The following SHPK variants were observed in gnomAD, a reference collection of about 807,000 sequenced individuals.
SHPK encodes carbohydrate kinase-like protein.
Under a neutral mutation model 46.3 loss-of-function variants are expected in SHPK, and 51 were observed. The observed-to-expected ratio is 1.10, with a 90% CI of 0.88 to 1.39. The LOEUF (loss-of-function observed/expected upper bound fraction) is 1.39. Among genes scored for constraint, SHPK ranks in the 40% most tolerant of loss-of-function variants. SHPK has a pLI of 0.00. For synonymous variants in SHPK, 290 were observed against 273.9 expected (o/e 1.06, Z -0.58); for missense variants, 668 against 641.3 (o/e 1.04, Z -0.45).
chr17:3,635,153 C>A (rs2075503144), intron 1 of SHPK, among the ~76,000 whole-genome samples: 2 of 130,190 alleles, frequency 1.5e-5, no homozygotes, highest in Admixed American at 8.4e-5. Flanking sequence ...GCCTGGGCAA[C>A]AGAGCGAGAC....
chr17:3,632,420 T>A (rs1201971295), intron 1 of SHPK, among the ~76,000 whole-genome samples: 1 of 152,104 alleles, frequency 6.6e-6, no homozygotes, highest in East Asian at 1.9e-4. Context: ...ACAGTAAGAC[T>A]CCACATGGCC....
At chr17:3,624,686 T>C (rs1364447049) in intron 2 of SHPK, among the ~76,000 whole-genome samples, 2 of 152,078 alleles carry the variant, frequency 1.3e-5, no homozygotes, top group African/African-American at 4.8e-5. Context: ...CAGAGTCTCA[T>C]TGTGTCCCCC....
Position 3,623,498 on chromosome 17 carries a change from T to C in SHPK, c.495-7A>G. On this transcript the variant is annotated splice_polypyrimidine_tract_variant and splice_region_variant and intron_variant, in intron 3 of 6. Transcript: ENST00000225519. ...GGACTTCAGGAACTCTGGGCTGTTTTTCATACCAAAAACAACCAACACGGT... is the reference window on the plus strand; with the variant it reads ...GGACTTCAGGAACTCTGGGCTGTTTCTCATACCAAAAACAACCAACACGGT... The C allele has an allele frequency of 1.2e-6, 2 of 1,613,768 alleles. No individual in the cohort carries two copies. Among genetic ancestry groups the C allele is most frequent in the East Asian group, 2.2e-5 (1 of 44,888 alleles).
intron 1 of SHPK, among the ~76,000 whole-genome samples, chr17:3,635,210 G>A (rs932560697): frequency 8.0e-6 from 1 of 124,428 alleles, no homozygotes; most frequent in African/African-American, 2.7e-5. Context: ...AGGAAGGAAG[G>A]AAGGAAGGAA....
rs1360937995 is a variant in SHPK, at chr17:3,623,491, G to A, written c.495C>T (p.Arg165=). The change falls in exon 4 of 7, where the codon CGC becomes CGT. Residue 165 remains arginine (R), a splice_region_variant and synonymous_variant. Transcript: ENST00000225519. ...CGTCGTAGGACTTCAGGAACTCTGG[G>A]CTGTTTTTCATACCAAAAACAACCA... ...CATIFWLLKY[R]PEFLKSYDAA... is the part of the protein sequence containing the mutation. 6.2e-7 allele frequency: 1 copy of A among 1,613,946 alleles called. No homozygotes were observed.
chr17:3,627,751 A>G (rs2075446377), intron 2 of SHPK, among the ~76,000 whole-genome samples: 1 of 150,882 alleles, frequency 6.6e-6, no homozygotes, highest in African/African-American at 2.4e-5. Flanking sequence ...GCAGAAAGGA[A>G]GGCATGTGAC....
rs919178597 is a variant in SHPK, at chr17:3,608,455, G to C, written c.*2105C>G. 1.3e-5 allele frequency: 2 copies of C among 152,036 alleles called. No individual in the cohort carries two copies. The highest frequency in any genetic ancestry group is 2.9e-5 in the Non-Finnish European group (2 of 68,006). 9.4% of individuals were successfully genotyped at this position (152,036 alleles called of 1,614,324 possible). Reference sequence around the variant, plus strand: ...AACAGAAGCACTGTGATACCAGGACGGGCGATCTGACGACTAAGTGACTGA... The same window carrying C: ...AACAGAAGCACTGTGATACCAGGACCGGCGATCTGACGACTAAGTGACTGA... On this transcript the variant is annotated 3_prime_UTR_variant, in exon 7 of 7. Transcript: ENST00000225519.
chr17:3,615,314 G>A lies in SHPK; in HGVS notation c.1024+23C>T. ...GTAGAAAGGACAGGCAGAGAACACA[G>A]CGCTGTGTGGGCCACACCTTACCTA... On this transcript the variant is annotated intron_variant, in intron 6 of 6. Transcript: ENST00000225519. 4 of 1,611,232 alleles carry A rather than the reference G, an allele frequency of 2.5e-6. No individual in the cohort carries two copies. In the Admixed American group the frequency reaches 5.0e-5, roughly 20 times the overall value.
chr17:3,611,079 C>T (rs1222384943), intron 6 of SHPK, 107 bp from the exon 7 acceptor site: 10 of 1,044,504 alleles, frequency 9.6e-6, no homozygotes, highest in Non-Finnish European at 1.2e-5. Flanking sequence ...TGCTGCTTCT[C>T]CTCCCGCTGC....
chr17:3,622,610 T>G, intron 4 of SHPK: 1 of 984,672 alleles, frequency 1.0e-6, no homozygotes, highest in Non-Finnish European at 1.2e-6. Flanking sequence ...GAAGTGAACT[T>G]ACAGGGCACT....
chr17:3,611,639 G>A (rs1212334938), intron 6 of SHPK, among the ~76,000 whole-genome samples: 1 of 152,024 alleles, frequency 6.6e-6, no homozygotes, highest in Non-Finnish European at 1.5e-5. Context: ...GAAATCCCAG[G>A]ATCCAGGACC....
Position 3,609,322 on chromosome 17 carries a change from T to TGAGAGAGAGAGAGAGAGAGAGA in SHPK, c.*1216_*1237dup, listed in dbSNP as rs3840876. On this transcript the variant is annotated 3_prime_UTR_variant, in exon 7 of 7. Coordinates refer to ENST00000225519, the MANE Select transcript of SHPK (RefSeq NM_013276.4). Reference sequence around the variant, plus strand: ...TATGTTTCATACCTGTCATGGATACTGAGAGAGAGAGAGAGAGAGAGAGAG... The same window carrying TGAGAGAGAGAGAGAGAGAGAGA: ...TATGTTTCATACCTGTCATGGATACTGAGAGAGAGAGAGAGAGAGAGAGAGAGAGAGAGAGAGAGAGAGAGAG... 157 of 148,656 alleles carry TGAGAGAGAGAGAGAGAGAGAGA rather than the reference T, an allele frequency of 1.1e-3. 4 individuals are homozygous for TGAGAGAGAGAGAGAGAGAGAGA. Among genetic ancestry groups the TGAGAGAGAGAGAGAGAGAGAGA allele is most frequent in the African/African-American group, 6.7e-4 (27 of 40,014 alleles). The allele number at this position is 148,656 out of a possible 1,614,324, so 9.2% of individuals were successfully genotyped here. A position where few individuals can be genotyped will look rare whatever the true frequency, so the allele number is the denominator to read the frequency against.
At chr17:3,627,362 C>CG (rs2075444553) in intron 2 of SHPK, among the ~76,000 whole-genome samples, 1 of 152,118 alleles carries the variant, frequency 6.6e-6, no homozygotes, top group Non-Finnish European at 1.5e-5. Flanking sequence ...CAGCTCGCTC[C>CG]GGGTGCCCTC....
rs145615192 is a variant in SHPK, at chr17:3,617,552, C to T, written c.824-2015G>A. Among the ~76,000 whole-genome samples the T allele has an allele frequency of 3.0e-3, 463 of 152,242 alleles. 2 individuals carry two copies. Among genetic ancestry groups the T allele is most frequent in the African/African-American group, 8.6e-3 (356 of 41,554 alleles). ...AGAAAATAATGGGTTTACTTAAATT[C>T]AGGGAGTCTGAGACTCCATCTCAGA... On this transcript the variant is annotated intron_variant, in intron 5 of 6. Transcript: ENST00000225519.
chr17:3,621,641 T>TTCC lies in SHPK; in HGVS notation c.648-230_648-229insGGA, dbSNP rs1567683886. 2.8e-4 allele frequency among the ~76,000 whole-genome samples: 15 copies of TTCC among 54,012 alleles called. 1 individual carries two copies. Among genetic ancestry groups the TTCC allele is most frequent in the South Asian group, 1.7e-3 (2 of 1,196 alleles). 35.4% of individuals were successfully genotyped at this position (54,012 alleles called of 152,430 possible). On this transcript the variant is annotated intron_variant, in intron 4 of 6. Coordinates refer to ENST00000225519, the MANE Select transcript of SHPK (RefSeq NM_013276.4). ...CCTCCCTTCCTTCCTTCCTTCCTTCTTTCTTTCTTTTTTACTTATTTATTT... is the reference window on the plus strand; with the variant it reads ...CCTCCCTTCCTTCCTTCCTTCCTTCTTCCTTCTTTCTTTTTTACTTATTTATTT...
chr17:3,625,819 A>T (rs577912745), intron 2 of SHPK, among the ~76,000 whole-genome samples: 2 of 152,124 alleles, frequency 1.3e-5, no homozygotes, highest in African/African-American at 4.8e-5. Flanking sequence ...TCGGGAGGCC[A>T]AGGTGGGCGG....
chr17:3,616,013 C>T (rs545300155), intron 5 of SHPK, among the ~76,000 whole-genome samples: 3 of 152,150 alleles, frequency 2.0e-5, no homozygotes, highest in African/African-American at 7.2e-5. Context: ...ACTACCACGC[C>T]TGGCTAATTT....
At chr17:3,621,882 A>G (rs1203443516) in intron 4 of SHPK, among the ~76,000 whole-genome samples, 1 of 151,066 alleles carries the variant, frequency 6.6e-6, no homozygotes, top group Non-Finnish European at 1.5e-5. Flanking sequence ...CGAACTCCTG[A>G]CCTCACATCG....
chr17:3,633,195 G>A (rs1262408938), intron 1 of SHPK, among the ~76,000 whole-genome samples: 3 of 151,466 alleles, frequency 2.0e-5, no homozygotes, highest in Admixed American at 6.6e-5. Flanking sequence ...TGGCCAGGCT[G>A]GTCTCGAACT....
Sources: gnomAD v4.1 joint callset for allele counts (sites outside exome capture counted in the v4.1 genomes callset) on GRCh38, gnomAD v4.1.1 for gene constraint, MANE v1.5 for transcripts, NCBI Gene and HGNC (gene_info 2026-07-23, HGNC 2026-07-21) for gene names.